The following ADAD1 variants were observed in gnomAD, a reference collection of about 807,000 sequenced individuals.
ADAD1 encodes the protein adenosine deaminase domain containing 1, also known as adenosine deaminase domain-containing protein 1.
In ADAD1, 46 loss-of-function variants were observed where a neutral mutation model predicts 66.8. The observed-to-expected ratio is 0.69, with a 90% CI of 0.54 to 0.88. The LOEUF (loss-of-function observed/expected upper bound fraction) is 0.88. Ranked by LOEUF, ADAD1 falls within the 40% of genes least tolerant of loss-of-function variation. The pLI is 0.00. For missense variants in ADAD1, 617 were observed against 681.8 expected, an observed-to-expected ratio of 0.91 and a Z score of 1.06; for synonymous variants, 248 against 229.4, an observed-to-expected ratio of 1.08 and a Z score of -0.73.
chr4:122,390,407 C>G (rs376598837), intron 5 of ADAD1, among the ~76,000 whole-genome samples: 1 of 152,236 alleles, frequency 6.6e-6, no homozygotes. Flanking sequence ...TTTGTCCTGT[C>G]TTGCTAGGTT....
chr4:122,395,350 C>G (rs1795652919), intron 6 of ADAD1, among the ~76,000 whole-genome samples: 1 of 152,082 alleles, frequency 6.6e-6, no homozygotes, highest in Non-Finnish European at 1.5e-5. Context: ...CGCGCCCAGC[C>G]TACTTTGCTA....
intron 12 of ADAD1, among the ~76,000 whole-genome samples, chr4:122,422,372 G>A (rs540930355): frequency 7.2e-5 from 11 of 152,200 alleles, no homozygotes; most frequent in South Asian, 6.2e-4. Context: ...TGATCCACCC[G>A]CCTCAGCCTC....
chr4:122,406,597 T>C (rs534183033), intron 7 of ADAD1, among the ~76,000 whole-genome samples: 1 of 152,324 alleles, frequency 6.6e-6, no homozygotes, highest in South Asian at 2.1e-4. Flanking sequence ...AGCTTCCCCA[T>C]AGCTCTTTGG....
At chr4:122,414,986 C>T (rs1318930206) in intron 10 of ADAD1, among the ~76,000 whole-genome samples, 1 of 152,042 alleles carries the variant, frequency 6.6e-6, no homozygotes, top group Non-Finnish European at 1.5e-5. Flanking sequence ...AACTCACTTT[C>T]ACCAGTTATT....
Position 122,412,644 on chromosome 4 carries a change from G to A in ADAD1, c.1084G>A (p.Val362Ile), listed in dbSNP as rs766526962. The change falls in exon 10 of 13, where the codon GTT becomes ATT. Residue 362 changes from valine to isoleucine, a missense_variant. Val to Ile is a conservative substitution (Grantham distance 29). Transcript: ENST00000296513. ...ANEELCLHVA[V>I]EGKIYLTVYC... Reference sequence around the variant, plus strand: ...TGAAGAACTCTGTCTCCACGTGGCTGTTGAAGGCAAAATTTATCTGACTGT... The same window carrying A: ...TGAAGAACTCTGTCTCCACGTGGCTATTGAAGGCAAAATTTATCTGACTGT... The A allele has an allele frequency of 6.2e-6, 10 of 1,613,896 alleles. No individual in the cohort carries two copies. The Admixed American group carries it at 1.2e-4, about 19-fold the overall frequency.
At chr4:122,406,190 G>A (rs945092042) in intron 7 of ADAD1, among the ~76,000 whole-genome samples, 6 of 152,038 alleles carry the variant, frequency 3.9e-5, no homozygotes, top group Non-Finnish European at 4.4e-5. Context: ...TTACATTTCT[G>A]CCAACAACAT....
chr4:122,419,692 C>G (rs1580805132), intron 11 of ADAD1, among the ~76,000 whole-genome samples: 1 of 152,048 alleles, frequency 6.6e-6, no homozygotes, highest in Admixed American at 6.6e-5. Context: ...GCATTTTTTT[C>G]TAGGAATACT....
At chr4:122,387,038 T>A (rs1795204372) in intron 5 of ADAD1, among the ~76,000 whole-genome samples, 1 of 152,236 alleles carries the variant, frequency 6.6e-6, no homozygotes, top group African/African-American at 2.4e-5. Context: ...TGATTTCATA[T>A]GAAATTTAAA....
In ADAD1 at chr4:122,380,693, T is replaced by C. The variant is rs534962665; in HGVS notation, c.173-299T>C. On this transcript the variant is annotated intron_variant, in intron 3 of 12. Coordinates refer to ENST00000296513, the MANE Select transcript of ADAD1 (RefSeq NM_139243.4). Reference sequence around the variant, plus strand: ...TCTGTATTCTAGGCCTTAGTGATATTATCTGTAAAAATTTCTTGGTTTCTG... The same window carrying C: ...TCTGTATTCTAGGCCTTAGTGATATCATCTGTAAAAATTTCTTGGTTTCTG... Among the ~76,000 whole-genome samples the C allele has an allele frequency of 1.3e-4, 20 of 152,324 alleles. No individual in the cohort carries two copies. The South Asian group carries it at 3.9e-3, about 30-fold the overall frequency.
chr4:122,403,208 T>C (rs1010843967), intron 7 of ADAD1, among the ~76,000 whole-genome samples: 3 of 152,166 alleles, frequency 2.0e-5, no homozygotes, highest in Non-Finnish European at 4.4e-5. Flanking sequence ...CTCTCCCCCT[T>C]CCCCTAAGGA....
At chr4:122,396,476 T>C (rs1795722708) in intron 7 of ADAD1, 99 bp downstream of exon 7, 3 of 1,040,342 alleles carry the variant, frequency 2.9e-6, no homozygotes, top group Non-Finnish European at 3.9e-6. Context: ...GTTGCATTGA[T>C]TTGAAGTGAC....
At chr4:122,387,613 A>G (rs1795233404) in intron 5 of ADAD1, among the ~76,000 whole-genome samples, 1 of 151,758 alleles carries the variant, frequency 6.6e-6, no homozygotes. Context: ...ATGTTGAATA[A>G]TAGTGTGCCA....
chr4:122,416,501 A>C (rs1796739738), intron 11 of ADAD1, among the ~76,000 whole-genome samples: 1 of 152,154 alleles, frequency 6.6e-6, no homozygotes, highest in African/African-American at 2.4e-5. Context: ...CTGAGGCAGG[A>C]GCATGGCTTG....
chr4:122,427,933 A>T (rs1291315720), intron 12 of ADAD1, among the ~76,000 whole-genome samples: 1 of 152,246 alleles, frequency 6.6e-6, no homozygotes, highest in East Asian at 1.9e-4. Context: ...AAGACAATGT[A>T]TTGATGTAAT....
intron 5 of ADAD1, among the ~76,000 whole-genome samples, chr4:122,386,457 T>A (rs1310001056): frequency 6.6e-6 from 1 of 152,162 alleles, no homozygotes; most frequent in Non-Finnish European, 1.5e-5. Flanking sequence ...TTGTCAGATG[T>A]GTAGATCAAA....
Position 122,415,481 on chromosome 4 carries a change from G to A in ADAD1, c.1352G>A (p.Arg451Lys), listed in dbSNP as rs757098217. 6.2e-7 allele frequency: 1 copy of A among 1,613,884 alleles called. No individual in the cohort carries two copies. The change falls in exon 11 of 13, where the codon AGA (arginine) becomes AAA (lysine). Residue 451 changes from arginine (R) to lysine (K), a missense_variant. Arg to Lys is a conservative substitution (Grantham distance 26). Coordinates refer to ENST00000296513, the MANE Select transcript of ADAD1 (RefSeq NM_139243.4). The stretch of plus-strand genomic sequence containing the variant: ...CTTCCAATGTTTTACTTAGTCAACA[G>A]ACCTCATATTAGTTTAGTACCCTCT... Reference protein sequence around the residue: ...SKLPMFYLVNRPHISLVPSAY... With the variant: ...SKLPMFYLVNKPHISLVPSAY...
chr4:122,428,393 C>T (rs1580821630), intron 12 of ADAD1, among the ~76,000 whole-genome samples: 1 of 152,218 alleles, frequency 6.6e-6, no homozygotes, highest in South Asian at 2.1e-4. Flanking sequence ...AACAGTTTGG[C>T]ATTTTCTTAA....
intron 5 of ADAD1, among the ~76,000 whole-genome samples, chr4:122,390,451 G>A (rs1256851026): frequency 1.3e-5 from 2 of 152,094 alleles, no homozygotes; most frequent in Non-Finnish European, 2.9e-5. Flanking sequence ...CCTGAAGTGT[G>A]TTTTCCAGCT....
chr4:122,423,445 A>G (rs1797097072), intron 12 of ADAD1, among the ~76,000 whole-genome samples: 1 of 152,236 alleles, frequency 6.6e-6, no homozygotes, highest in Admixed American at 6.5e-5. Context: ...GAGCCCATCA[A>G]GGATACAAGC....
Sources: gnomAD v4.1 joint callset for allele counts (sites outside exome capture counted in the v4.1 genomes callset) on GRCh38, gnomAD v4.1.1 for gene constraint, MANE v1.5 for transcripts, NCBI Gene and HGNC (gene_info 2026-07-23, HGNC 2026-07-21) for gene names.